BABAM2: variants seen among roughly 807,000 people sequenced by gnomAD.
The protein encoded by BABAM2 is BRISC and BRCA1-A complex member 2.
BABAM2 carries 31 observed loss-of-function variants against 54.7 expected under a neutral mutation model. The observed-to-expected ratio is 0.57, with a 90% CI of 0.43 to 0.77. The LOEUF (loss-of-function observed/expected upper bound fraction) is 0.77, where lower values mean the gene tolerates loss of function less well. BABAM2 is among the 30% of genes least tolerant of loss of function. The pLI, the probability that BABAM2 is intolerant of heterozygous loss-of-function variation, is 0.00. For synonymous variants in BABAM2, 167 were observed against 162.9 expected (o/e 1.03, Z -0.19); for missense variants, 364 against 455.8 (o/e 0.80, Z 1.83).
chr2:28,268,145 A>G (rs1246345245), intron 10 of BABAM2, among the ~76,000 whole-genome samples: 1 of 152,244 alleles, frequency 6.6e-6, no homozygotes, highest in African/African-American at 2.4e-5. Flanking sequence ...TATTAGGGAT[A>G]TAGAAATCTG....
Position 28,297,517 on chromosome 2 carries a change from G to A in BABAM2, c.935-821G>A, listed in dbSNP as rs532553614. On this transcript the variant is annotated intron_variant, in intron 10 of 11. Transcript: ENST00000379624. ...ATTTGCCTCAACTAATAACAAGTCAGTTTACTTTTAAAAATTGAGTTAAAG... is the reference window on the plus strand; with the variant it reads ...ATTTGCCTCAACTAATAACAAGTCAATTTACTTTTAAAAATTGAGTTAAAG... Among the ~76,000 whole-genome samples the A allele has an allele frequency of 2.6e-5, 4 of 152,202 alleles. No homozygotes were observed. In the South Asian group the frequency reaches 8.3e-4, roughly 32 times the overall value.
intron 7 of BABAM2, among the ~76,000 whole-genome samples, chr2:28,171,348 C>T (rs1674303350): frequency 6.6e-6 from 1 of 152,174 alleles, no homozygotes; most frequent in South Asian, 2.1e-4. Flanking sequence ...TACCTGATAG[C>T]TTTCAAAGCA....
At chr2:28,050,763 C>T (rs1337095786) in intron 6 of BABAM2, among the ~76,000 whole-genome samples, 2 of 152,090 alleles carry the variant, frequency 1.3e-5, no homozygotes, top group Non-Finnish European at 2.9e-5. Flanking sequence ...GTCATAAAAT[C>T]TTTATGACCA....
chr2:27,894,752 C>G, intron 2 of BABAM2, 68 bp downstream of exon 2: 2 of 1,566,042 alleles, frequency 1.3e-6, no homozygotes, highest in Non-Finnish European at 1.7e-6. Context: ...GACAGCCCTT[C>G]CTTACCAGAC....
chr2:28,176,769 A>C (rs1675034613), intron 7 of BABAM2, among the ~76,000 whole-genome samples: 1 of 150,580 alleles, frequency 6.6e-6, no homozygotes, highest in Non-Finnish European at 1.5e-5. Context: ...CATGAGCTTC[A>C]ACAGTAGACT....
intron 3 of BABAM2, among the ~76,000 whole-genome samples, chr2:27,958,835 G>A (rs1670273894): frequency 6.6e-6 from 1 of 152,146 alleles, no homozygotes; most frequent in Admixed American, 6.6e-5. Context: ...TCAGTGTGAA[G>A]TACTTTGAGC....
chr2:28,230,166 G>C (rs1681242691), intron 7 of BABAM2, among the ~76,000 whole-genome samples: 1 of 152,172 alleles, frequency 6.6e-6, no homozygotes, highest in Non-Finnish European at 1.5e-5. Context: ...CTGAATTGAT[G>C]CTTCCATGAG....
chr2:28,265,316 A>G (rs1381984352), intron 10 of BABAM2, among the ~76,000 whole-genome samples: 3 of 152,134 alleles, frequency 2.0e-5, no homozygotes, highest in African/African-American at 7.2e-5. Context: ...AATCCCAGCT[A>G]CTCAGGCAGC....
chr2:27,906,809 G>GA (rs151270885), intron 2 of BABAM2, among the ~76,000 whole-genome samples: 33 of 148,784 alleles, frequency 2.2e-4, no homozygotes, highest in East Asian at 5.9e-4. Context: ...TTGTTCAAAG[G>GA]AAAAAAAAAA....
At position 28,053,791 on chromosome 2, in the gene BABAM2, G is replaced by T. The variant is rs574850872; in HGVS notation, c.570+7992G>T. Among the ~76,000 whole-genome samples, 3 of 152,180 alleles carry T rather than the reference G, an allele frequency of 2.0e-5. No homozygotes were observed. In the East Asian group the frequency reaches 5.8e-4, roughly 29 times the overall value. ...AAATTTTAGACTTGTGTGCCATATGGTCTCTGTCACAACTACTCAACTCTG... is the reference window on the plus strand; with the variant it reads ...AAATTTTAGACTTGTGTGCCATATGTTCTCTGTCACAACTACTCAACTCTG... On this transcript the variant is annotated intron_variant, in intron 6 of 11. Transcript: ENST00000379624.
intron 3 of BABAM2, among the ~76,000 whole-genome samples, chr2:27,940,918 G>A (rs371154728): frequency 6.6e-6 from 1 of 152,080 alleles, no homozygotes. Flanking sequence ...TATTCTAACC[G>A]CCCCTCCACC....
chr2:28,031,435 C>T (rs959199887), intron 5 of BABAM2, among the ~76,000 whole-genome samples: 22 of 152,188 alleles, frequency 1.4e-4, no homozygotes, highest in Non-Finnish European at 2.4e-4. Context: ...ATTACAGAAT[C>T]AACATTAAAA....
At chr2:28,327,536 T>C (rs2148325753) in intron 11 of BABAM2, 1 of 1,406,278 alleles carries the variant, frequency 7.1e-7, no homozygotes, top group Non-Finnish European at 9.6e-7. Flanking sequence ...AGTCAGTTGT[T>C]GTTGAAGTCC....
upstream of BABAM2, among the ~76,000 whole-genome samples, chr2:27,888,727 C>A (rs907611679): frequency 1.3e-5 from 2 of 152,112 alleles, no homozygotes; most frequent in African/African-American, 4.8e-5. Context: ...AAACTATGGC[C>A]TGCAGGATGT....
chr2:28,102,020 T>C (rs1051306323), intron 6 of BABAM2, among the ~76,000 whole-genome samples: 2 of 152,142 alleles, frequency 1.3e-5, no homozygotes, highest in Non-Finnish European at 1.5e-5. Context: ...AAATAAACCA[T>C]TGGAAACAAG....
chr2:28,060,814 G>T (rs1371039248), intron 6 of BABAM2, among the ~76,000 whole-genome samples: 1 of 152,092 alleles, frequency 6.6e-6, no homozygotes, highest in Non-Finnish European at 1.5e-5. Context: ...ACAAAACATT[G>T]CTGAGAGAAA....
intron 7 of BABAM2, among the ~76,000 whole-genome samples, chr2:28,225,882 G>C (rs906391816): frequency 1.3e-5 from 2 of 151,864 alleles, no homozygotes; most frequent in Non-Finnish European, 2.9e-5. Flanking sequence ...CCTATTCTAG[G>C]GGGGTGGGGT....
At chr2:28,199,880 G>A (rs1282789583) in intron 7 of BABAM2, among the ~76,000 whole-genome samples, 1 of 152,100 alleles carries the variant, frequency 6.6e-6, no homozygotes, top group Non-Finnish European at 1.5e-5. Flanking sequence ...TCTAGGATTG[G>A]CACCAAGGCA....
intron 3 of BABAM2, among the ~76,000 whole-genome samples, chr2:27,936,865 G>A (rs1391763722): frequency 1.3e-5 from 2 of 151,992 alleles, no homozygotes; most frequent in Non-Finnish European, 2.9e-5. Context: ...GAGTTAATGG[G>A]TGCAGCACAC....
Sources: allele counts gnomAD v4.1 joint callset (sites outside exome capture counted in the v4.1 genomes callset), GRCh38; gene constraint gnomAD v4.1.1; transcripts MANE v1.5; gene names NCBI Gene and HGNC (gene_info 2026-07-23, HGNC 2026-07-21).